The following ARMH4 variants were observed in gnomAD, a reference collection of about 807,000 sequenced individuals.
ARMH4 encodes the protein armadillo like helical domain containing 4.
In ARMH4, 49 loss-of-function variants were observed where a neutral mutation model predicts 61.9. The ratio of observed to expected loss-of-function variants is 0.79; its 90% CI spans 0.63 to 1.00. The LOEUF is 1.00. ARMH4 is among the 50% of genes least tolerant of loss of function. The pLI, the probability that ARMH4 is intolerant of heterozygous loss-of-function variation, is 0.00. For synonymous variants in ARMH4, 368 were observed against 341.5 expected, an observed-to-expected ratio of 1.08 and a Z score of -0.85; for missense variants, 934 against 930.0, an observed-to-expected ratio of 1.00 and a Z score of -0.06.
At chr14:58,101,788 A>G (rs1352964449) in intron 4 of ARMH4, among the ~76,000 whole-genome samples, 2 of 152,318 alleles carry the variant, frequency 1.3e-5, no homozygotes, top group African/African-American at 4.8e-5. Flanking sequence ...CACCATTGAT[A>G]GAAGAGAAAA....
intron 5 of ARMH4, among the ~76,000 whole-genome samples, chr14:58,059,684 TTC>T (rs1884466634): frequency 6.6e-6 from 1 of 152,226 alleles, no homozygotes; most frequent in Non-Finnish European, 1.5e-5. Flanking sequence ...GAAGCAGTAA[TTC>T]TCTCTTTGTA....
chr14:58,141,749 C>A, intron 1 of ARMH4: 1 of 185,728 alleles, frequency 5.4e-6, no homozygotes. Context: ...CTTTCATTGA[C>A]TGGAGCAGAA....
chr14:58,032,081 C>T (rs1328937729), intron 5 of ARMH4, among the ~76,000 whole-genome samples: 2 of 152,120 alleles, frequency 1.3e-5, no homozygotes, highest in African/African-American at 4.8e-5. Flanking sequence ...TTTCTTCTCC[C>T]GGCTCACTCC....
At chr14:58,074,534 A>C (rs909937496) in intron 5 of ARMH4, among the ~76,000 whole-genome samples, 1 of 151,814 alleles carries the variant, frequency 6.6e-6, no homozygotes, top group Non-Finnish European at 1.5e-5. Flanking sequence ...AAAACAGTAA[A>C]TCAAGCTCTG....
At chr14:58,100,520 G>T (rs1294842152) in intron 4 of ARMH4, among the ~76,000 whole-genome samples, 1 of 152,186 alleles carries the variant, frequency 6.6e-6, no homozygotes, top group Non-Finnish European at 1.5e-5. Flanking sequence ...GGTACTGATT[G>T]TGTGTGAAGG....
In ARMH4 at chr14:58,139,107, T is replaced by A; in HGVS notation, c.252A>T (p.Thr84=). 6.2e-7 allele frequency: 1 copy of A among 1,614,246 alleles called. No homozygotes were observed. The highest frequency in any genetic ancestry group is 8.5e-7 in the Non-Finnish European group (1 of 1,180,042). Residue 84 remains threonine (T), a synonymous_variant, in exon 2 of 8, where the codon ACA becomes ACT. Coordinates refer to ENST00000267485, the MANE Select transcript of ARMH4 (RefSeq NM_001001872.4). ...PMMMSAVPSA[T]SLNKAFSINK... ...TAATCGAGAATGCTTTATTTAATGA[T>A]GTTGCCGATGGTACTGCTGACATCA...
chr14:58,075,551 C>T (rs905421174), intron 5 of ARMH4, among the ~76,000 whole-genome samples: 1 of 150,936 alleles, frequency 6.6e-6, no homozygotes, highest in Non-Finnish European at 1.5e-5. Flanking sequence ...GGAGTTGAAC[C>T]ATGAGAACAC....
At chr14:58,007,498 T>C (rs927251973) in intron 6 of ARMH4, among the ~76,000 whole-genome samples, 6 of 152,194 alleles carry the variant, frequency 3.9e-5, no homozygotes, top group African/African-American at 1.4e-4. Context: ...CTCTTTTTTG[T>C]CTCCTCTGTT....
chr14:58,026,012 A>C (rs1420152486), intron 5 of ARMH4, among the ~76,000 whole-genome samples: 1 of 151,968 alleles, frequency 6.6e-6, no homozygotes, highest in Admixed American at 6.6e-5. Flanking sequence ...GTTAATTGCA[A>C]GTTTAGGAAT....
At position 58,104,598 on chromosome 14, in the gene ARMH4, T is replaced by C. The variant is rs557142265; in HGVS notation, c.1832-7617A>G. On this transcript the variant is annotated intron_variant, in intron 4 of 7. Coordinates refer to ENST00000267485, the MANE Select transcript of ARMH4 (RefSeq NM_001001872.4). ...CAGCCATTAAACATTTTTAGTTGTA[T>C]GTCACCTATACCCTGCTTCAATTAC... Among the ~76,000 whole-genome samples the C allele has an allele frequency of 1.4e-4, 21 of 152,360 alleles. 1 individual carries two copies. In the South Asian group the frequency reaches 4.3e-3, roughly 32 times the overall value.
At chr14:58,094,098 G>A (rs562965034) in intron 5 of ARMH4, among the ~76,000 whole-genome samples, 9 of 152,174 alleles carry the variant, frequency 5.9e-5, no homozygotes, top group South Asian at 2.1e-4. Context: ...GGGAGGCCAC[G>A]GCGGGCAGAT....
chr14:58,137,526 G>A (rs904130282), intron 2 of ARMH4, among the ~76,000 whole-genome samples: 1 of 152,118 alleles, frequency 6.6e-6, no homozygotes, highest in Admixed American at 6.5e-5. Flanking sequence ...AGCCTCCCGA[G>A]TAGCTGGGAT....
At chr14:58,147,301 T>G (rs931904096) in intron 1 of ARMH4, among the ~76,000 whole-genome samples, 1 of 150,424 alleles carries the variant, frequency 6.6e-6, no homozygotes, top group Non-Finnish European at 1.5e-5. Context: ...CAATCTATTT[T>G]ATACAATCCA....
At chr14:58,047,166 C>T (rs1883971995) in intron 5 of ARMH4, among the ~76,000 whole-genome samples, 1 of 152,168 alleles carries the variant, frequency 6.6e-6, no homozygotes, top group Admixed American at 6.5e-5. Flanking sequence ...CGACCGTAAA[C>T]ACAATGCAAA....
intron 5 of ARMH4, among the ~76,000 whole-genome samples, chr14:58,088,795 T>C (rs951460648): frequency 9.2e-5 from 14 of 152,330 alleles, no homozygotes; most frequent in Admixed American, 2.0e-4. Flanking sequence ...CTGAGGGTTT[T>C]TTTTAAGACA....
In ARMH4 at chr14:58,025,382, AT is replaced by A. The variant is rs529154085; in HGVS notation, c.2090-13233del. Among the ~76,000 whole-genome samples the A allele has an allele frequency of 3.9e-5, 6 of 152,278 alleles. No homozygotes were observed. In the East Asian group the frequency reaches 1.2e-3, roughly 29 times the overall value. ...GTTCCCATTGAATTTTGAGTTATAA[AT>A]ATAGTCTCTTTAATAGAAAAATTTT... On this transcript the variant is annotated intron_variant, in intron 5 of 7. Transcript: ENST00000267485.
At chr14:58,074,043 A>T (rs1884967692) in intron 5 of ARMH4, among the ~76,000 whole-genome samples, 1 of 152,228 alleles carries the variant, frequency 6.6e-6, no homozygotes, top group Admixed American at 6.5e-5. Context: ...ATAAACCAAC[A>T]AGCACATTTA....
chr14:58,007,346 T>C (rs978905104), intron 6 of ARMH4, among the ~76,000 whole-genome samples: 2 of 152,314 alleles, frequency 1.3e-5, no homozygotes, highest in East Asian at 3.9e-4. Flanking sequence ...CAAATTTATA[T>C]TTATATTTGT....
intron 5 of ARMH4, among the ~76,000 whole-genome samples, chr14:58,024,190 T>C (rs1008158791): frequency 1.3e-5 from 2 of 152,176 alleles, no homozygotes; most frequent in African/African-American, 4.8e-5. Context: ...CTATATAACA[T>C]CTTCCAATAT....
Sources: allele counts gnomAD v4.1 joint callset (sites outside exome capture counted in the v4.1 genomes callset), GRCh38; gene constraint gnomAD v4.1.1; transcripts MANE v1.5; gene names NCBI Gene and HGNC (gene_info 2026-07-23, HGNC 2026-07-21).